The following KANK1 variants were observed in gnomAD, a reference collection of about 807,000 sequenced individuals.
KANK1 encodes KN motif and ankyrin repeat domains 1, also known as KN motif and ankyrin repeat domain-containing protein 1.
Under a neutral mutation model 106.2 loss-of-function variants are expected in KANK1, and 109 were observed. The ratio of observed to expected loss-of-function variants is 1.03; its 90% CI spans 0.88 to 1.20. The LOEUF (loss-of-function observed/expected upper bound fraction) is 1.20, where lower values mean the gene tolerates loss of function less well. KANK1 is among the 50% of genes most tolerant of loss of function. The pLI is 0.00. For synonymous variants in KANK1, 873 were observed against 652.2 expected (o/e 1.34, Z -5.16); for missense variants, 2,399 against 1,710.7 (o/e 1.40, Z -7.10).
At chr9:491,323 A>G (rs1587241353) in intron 3 of KANK1, among the ~76,000 whole-genome samples, 1 of 149,546 alleles carries the variant, frequency 6.7e-6, no homozygotes, top group South Asian at 2.1e-4. Flanking sequence ...GCTGGTGTGC[A>G]GTGGCATGAT....
chr9:679,159 A>C (rs1349738770), intron 2 of KANK1, among the ~76,000 whole-genome samples: 1 of 152,154 alleles, frequency 6.6e-6, no homozygotes, highest in Non-Finnish European at 1.5e-5. Flanking sequence ...TCAGGGTGTC[A>C]GAGTATGAAT....
chr9:730,178 C>G lies in KANK1; in HGVS notation c.2826C>G (p.Ala942=), dbSNP rs1389264723. The G allele has an allele frequency of 1.2e-6, 2 of 1,614,188 alleles. No homozygotes were observed. Among genetic ancestry groups the G allele is most frequent in the South Asian group, 1.1e-5 (1 of 91,074 alleles). The change falls in exon 4 of 12, where the codon GCC becomes GCG. Residue 942 remains alanine, a synonymous_variant. Transcript: ENST00000382297. Reference sequence around the variant, plus strand: ...GAAAGCCAATCAGCAGCCTGGATGCCTTCCCCACTCAGGAAGGTACGCTGT... The same window carrying G: ...GAAAGCCAATCAGCAGCCTGGATGCGTTCCCCACTCAGGAAGGTACGCTGT... ...SEGKPISSLD[A]FPTQEGTLSP...
At chr9:507,316 C>G (rs1390410731) in intron 1 of KANK1, among the ~76,000 whole-genome samples, 1 of 152,070 alleles carries the variant, frequency 6.6e-6, no homozygotes, top group Non-Finnish European at 1.5e-5. Flanking sequence ...GATCATGCCA[C>G]TGCACTCCAG....
chr9:593,472 AT>A (rs1424871065), intron 1 of KANK1, among the ~76,000 whole-genome samples: 2,209 of 125,312 alleles, frequency 0.018, 82 homozygotes, highest in African/African-American at 0.068. Flanking sequence ...ATATACTTGC[AT>A]TTTTTTTTTT....
At position 539,925 on chromosome 9, in the gene KANK1, A is replaced by T. The variant is rs967157137; in HGVS notation, c.-84+35171A>T. 3.9e-5 allele frequency among the ~76,000 whole-genome samples: 6 copies of T among 152,212 alleles called. No homozygotes were observed. The South Asian group carries it at 1.2e-3, about 31-fold the overall frequency. ...CCTACAACTTCACTGAGTTTATTCT[A>T]ACAATCTTTTGGTGAAGTTCTGAAG... On this transcript the variant is annotated intron_variant, in intron 1 of 11. Transcript: ENST00000382297.
intron 3 of KANK1, among the ~76,000 whole-genome samples, chr9:488,743 C>A (rs956374736): frequency 2.0e-5 from 3 of 152,182 alleles, no homozygotes; most frequent in Non-Finnish European, 4.4e-5. Context: ...TTCACTCTTA[C>A]TGCTGCCTGT....
At chr9:660,691 C>G (rs1382468911) in intron 1 of KANK1, among the ~76,000 whole-genome samples, 1 of 152,166 alleles carries the variant, frequency 6.6e-6, no homozygotes, top group African/African-American at 2.4e-5. Flanking sequence ...GAGACTGTCA[C>G]CACCCGAACA....
At chr9:524,835 G>C (rs907455395) in intron 1 of KANK1, among the ~76,000 whole-genome samples, 2 of 151,452 alleles carry the variant, frequency 1.3e-5, no homozygotes, top group African/African-American at 4.9e-5. Flanking sequence ...GTTTTGATCA[G>C]TGTTCTGAAA....
intron 1 of KANK1, among the ~76,000 whole-genome samples, chr9:575,507 G>GGAA (rs1820309078): frequency 1.3e-5 from 1 of 75,478 alleles, no homozygotes; most frequent in African/African-American, 4.9e-5. Flanking sequence ...GTCTCTACAG[G>GGAA]GAAAAAAAAA....
chr9:596,029 AGTTC>A (rs1826122330), intron 1 of KANK1, among the ~76,000 whole-genome samples: 1 of 151,886 alleles, frequency 6.6e-6, no homozygotes, highest in Admixed American at 6.5e-5. Flanking sequence ...CTAAATAACA[AGTTC>A]GTTTATGTTT....
At chr9:618,581 A>T (rs775791638) in intron 1 of KANK1, among the ~76,000 whole-genome samples, 1 of 152,118 alleles carries the variant, frequency 6.6e-6, no homozygotes, top group Non-Finnish European at 1.5e-5. Flanking sequence ...AATTTTTTTT[A>T]AAGCAAAGAT....
intron 2 of KANK1, chr9:693,664 C>T (rs1181012700): frequency 2.0e-6 from 2 of 985,224 alleles, no homozygotes; most frequent in African/African-American, 1.7e-5. Context: ...TAAATAAATT[C>T]TCTGCAACAG....
At chr9:642,430 C>T (rs1438714711) in intron 1 of KANK1, among the ~76,000 whole-genome samples, 2 of 150,998 alleles carry the variant, frequency 1.3e-5, no homozygotes, top group South Asian at 2.1e-4. Flanking sequence ...CTTGAACAAA[C>T]TAAAAACTAC....
At chr9:495,877 C>T (rs2058452346) in intron 3 of KANK1, among the ~76,000 whole-genome samples, 2 of 152,124 alleles carry the variant, frequency 1.3e-5, no homozygotes, top group Admixed American at 1.3e-4. Flanking sequence ...AGGTTAAGAT[C>T]AAAAGGTCAC....
Position 525,289 on chromosome 9 carries a change from C to T in KANK1, c.-84+20535C>T, listed in dbSNP as rs1031595780. On this transcript the variant is annotated intron_variant, in intron 1 of 11. Coordinates refer to ENST00000382297, the MANE Select transcript of KANK1 (RefSeq NM_015158.5). ...GGATTACAGGCGTGAGCTACTGCTC[C>T]CAGCCAACTCTTGCTTCTTAAACCC... Among the ~76,000 whole-genome samples, 48 of 151,260 alleles carry T rather than the reference C, an allele frequency of 3.2e-4. 3 individuals are homozygous for T. The highest frequency in any genetic ancestry group is 1.2e-3 in the African/African-American group (47 of 40,748).
At chr9:700,544 T>G (rs1359532774) in intron 2 of KANK1, among the ~76,000 whole-genome samples, 2 of 152,180 alleles carry the variant, frequency 1.3e-5, no homozygotes, top group Non-Finnish European at 2.9e-5. Context: ...ATCCTACTGG[T>G]TTGCTTTCCT....
intron 1 of KANK1, chr9:660,102 A>G (rs1363244076): frequency 4.6e-6 from 2 of 438,708 alleles, no homozygotes; most frequent in Non-Finnish European, 4.5e-6. Flanking sequence ...CAACAGAGAA[A>G]TGGCAGGAAG....
chr9:640,976 G>A (rs375915105), intron 1 of KANK1, among the ~76,000 whole-genome samples: 1 of 152,258 alleles, frequency 6.6e-6, no homozygotes, highest in South Asian at 2.1e-4. Flanking sequence ...GATTACAGGC[G>A]TGAGCCACCG....
At chr9:691,913 C>A (rs4742257) in intron 2 of KANK1, among the ~76,000 whole-genome samples, 3 of 151,564 alleles carry the variant, frequency 2.0e-5, no homozygotes, top group Non-Finnish European at 4.4e-5. Context: ...CACCATGCCC[C>A]CCAAAAAGGG....
Sources: allele counts gnomAD v4.1 joint callset (sites outside exome capture counted in the v4.1 genomes callset), GRCh38; gene constraint gnomAD v4.1.1; transcripts MANE v1.5; gene names NCBI Gene and HGNC (gene_info 2026-07-23, HGNC 2026-07-21).